Variants in SLC35D4 observed in about 807,000 individuals in gnomAD.
SLC35D4 encodes UDP-N-acetylglucosamine transporter SLC35D4.
chr18:23,385,218 C>CG, the SLC35D4 span: 1 of 661,064 alleles, frequency 1.5e-6, no homozygotes, highest in Non-Finnish European at 2.5e-6. Context: ...CATGGATTAG[C>CG]GCTCTTTGCT....
chr18:23,363,534 CCGG>C, the SLC35D4 span, among the ~76,000 whole-genome samples: 2 of 151,640 alleles, frequency 1.3e-5, no homozygotes, highest in African/African-American at 4.8e-5. Flanking sequence ...GCCACCACGC[CCGG>C]CTAATTTTTT....
the SLC35D4 span, chr18:23,296,202 C>T: frequency 6.6e-6 from 1 of 151,798 alleles, no homozygotes; most frequent in African/African-American, 2.4e-5. Flanking sequence ...TGTAACAAAC[C>T]TGCACATTCT....
the SLC35D4 span, among the ~76,000 whole-genome samples, chr18:23,270,972 C>G: frequency 6.6e-6 from 1 of 152,206 alleles, no homozygotes; most frequent in Non-Finnish European, 1.5e-5. Context: ...AATGTGAGGA[C>G]ATGAGATTTG....
At chr18:23,248,512 C>CTTTTTTTTTTTTTTTTTT in the SLC35D4 span, among the ~76,000 whole-genome samples, 13 of 90,726 alleles carry the variant, frequency 1.4e-4, no homozygotes, top group African/African-American at 1.7e-4. Context: ...GACCCTATGT[C>CTTTTTTTTTTTTTTTTTT]TTTTTTTTTT....
the SLC35D4 span, among the ~76,000 whole-genome samples, chr18:23,331,953 A>C: frequency 7.2e-6 from 1 of 139,476 alleles, no homozygotes; most frequent in African/African-American, 2.7e-5. Flanking sequence ...TGGAGTGATC[A>C]TAACTCACGG....
chr18:23,240,600 G>C, the SLC35D4 span, among the ~76,000 whole-genome samples: 1 of 152,242 alleles, frequency 6.6e-6, no homozygotes, highest in East Asian at 1.9e-4. Context: ...GGGTGGGAAT[G>C]CTCAGTGATT....
At chr18:23,254,012 A>G in the SLC35D4 span, 25 of 1,248,362 alleles carry the variant, frequency 2.0e-5, no homozygotes, top group African/African-American at 3.7e-4. Flanking sequence ...GGATTCGGTC[A>G]GTGACCCTGC....
the SLC35D4 span, among the ~76,000 whole-genome samples, chr18:23,386,450 C>T: frequency 7.2e-4 from 109 of 152,254 alleles, no homozygotes; most frequent in African/African-American, 2.6e-3. Context: ...AACAGATTAT[C>T]CCCTAGAGGC....
chr18:23,392,915 T>A, the SLC35D4 span, among the ~76,000 whole-genome samples: 6 of 152,180 alleles, frequency 3.9e-5, no homozygotes, highest in African/African-American at 1.4e-4. Flanking sequence ...AGGTGATTTT[T>A]ATTTTTATTT....
At chr18:23,414,185 C>CAG in the SLC35D4 span, among the ~76,000 whole-genome samples, 1 of 151,618 alleles carries the variant, frequency 6.6e-6, no homozygotes, top group East Asian at 1.9e-4. Context: ...AACAGGGCAG[C>CAG]AGAGGTTGCA....
the SLC35D4 span, among the ~76,000 whole-genome samples, chr18:23,401,862 T>C: frequency 1.3e-5 from 2 of 152,230 alleles, no homozygotes; most frequent in Admixed American, 1.3e-4. Flanking sequence ...GAACACCTTG[T>C]ATTTTAACCC....
the SLC35D4 span, among the ~76,000 whole-genome samples, chr18:23,421,700 G>A: frequency 1.1e-4 from 15 of 138,344 alleles, no homozygotes; most frequent in Admixed American, 9.0e-4. Flanking sequence ...TTTTTGAGAC[G>A]GAGTTTCGCT....
At chr18:23,284,642 G>C in the SLC35D4 span, among the ~76,000 whole-genome samples, 4 of 152,188 alleles carry the variant, frequency 2.6e-5, no homozygotes, top group African/African-American at 4.8e-5. Flanking sequence ...AGGACCCCTT[G>C]AGGCTGCTCC....
At chr18:23,303,675 C>T in the SLC35D4 span, among the ~76,000 whole-genome samples, 127 of 151,948 alleles carry the variant, frequency 8.4e-4, no homozygotes, top group African/African-American at 2.7e-3. Flanking sequence ...CTGAGGTGGG[C>T]GGATCACTTG....
At chr18:23,265,082 C>A in the SLC35D4 span, among the ~76,000 whole-genome samples, 1 of 152,178 alleles carries the variant, frequency 6.6e-6, no homozygotes, top group Non-Finnish European at 1.5e-5. Context: ...AATTACTTTT[C>A]AACATGAAAT....
At chr18:23,284,764 A>C in the SLC35D4 span, among the ~76,000 whole-genome samples, 4 of 152,262 alleles carry the variant, frequency 2.6e-5, no homozygotes, top group South Asian at 8.3e-4. Flanking sequence ...CCTACACTCA[A>C]TCATACCCCT....
At chr18:23,247,369 G>A in the SLC35D4 span, among the ~76,000 whole-genome samples, 5 of 152,360 alleles carry the variant, frequency 3.3e-5, no homozygotes, top group African/African-American at 1.2e-4. Flanking sequence ...AGAGTGATCC[G>A]TCCAGTTTCC....
At chr18:23,249,930 C>T in the SLC35D4 span, among the ~76,000 whole-genome samples, 13 of 152,222 alleles carry the variant, frequency 8.5e-5, no homozygotes, top group East Asian at 2.3e-3. Flanking sequence ...GATCCCAGCG[C>T]TGGCCCCTGC....
chr18:23,255,640 G>A, the SLC35D4 span, among the ~76,000 whole-genome samples: 1 of 149,480 alleles, frequency 6.7e-6, no homozygotes, highest in Non-Finnish European at 1.5e-5. Context: ...GCTCACTGCA[G>A]CCTCCACCTC....
Sources: allele counts gnomAD v4.1 joint callset (sites outside exome capture counted in the v4.1 genomes callset), GRCh38; gene constraint gnomAD v4.1.1; transcripts MANE v1.5; gene names NCBI Gene and HGNC (gene_info 2026-07-23, HGNC 2026-07-21).